Variants in CCNJ observed in about 807,000 individuals in gnomAD.
The protein encoded by CCNJ is cyclin-J.
In CCNJ, 12 loss-of-function variants were observed where a neutral mutation model predicts 41.4. The ratio of observed to expected loss-of-function variants is 0.29; its 90% CI spans 0.19 to 0.47. The LOEUF (loss-of-function observed/expected upper bound fraction) is 0.47. CCNJ is among the 20% of genes least tolerant of loss of function. The probability of loss-of-function intolerance (pLI) is 1.00; values close to 1 mark genes in which losing one functional copy is unlikely to be tolerated. For missense variants in CCNJ, 340 were observed against 464.6 expected (o/e 0.73, Z 2.47); for synonymous variants, 161 against 173.4 (o/e 0.93, Z 0.56).
At position 96,059,705 on chromosome 10, in the gene CCNJ, C is replaced by T. The variant is rs117301955; in HGVS notation, c.*1464C>T. ...AGAAGGGAAAACTGCATGGCAGATA[C>T]GTGACTGCCACAATATGCATCGAAG... is the stretch of plus-strand genomic sequence containing the variant. On this transcript the variant is annotated 3_prime_UTR_variant, in exon 6 of 6. Transcript: ENST00000465148. 2,278 of 152,512 alleles carry T rather than the reference C, an allele frequency of 0.015. 19 individuals carry two copies. The highest frequency in any genetic ancestry group is 0.022 in the Non-Finnish European group (1,529 of 67,994). 9.4% of individuals were successfully genotyped at this position (152,512 alleles called of 1,614,324 possible). A position where few individuals can be genotyped will look rare whatever the true frequency, so the allele number is the denominator to read the frequency against.
intron 3 of CCNJ, among the ~76,000 whole-genome samples, chr10:96,054,303 TTAAAA>T (rs1339486309): frequency 1.3e-5 from 2 of 152,204 alleles, no homozygotes; most frequent in African/African-American, 4.8e-5. Context: ...ATAAGTAAAC[TTAAAA>T]TGAACATAGG....
intron 2 of CCNJ, among the ~76,000 whole-genome samples, chr10:96,047,898 G>A (rs2080408895): frequency 1.3e-5 from 2 of 152,072 alleles, no homozygotes; most frequent in African/African-American, 4.8e-5. Flanking sequence ...ATTAATCCCA[G>A]CATCCACTAG....
chr10:96,044,383 C>A lies in CCNJ; in HGVS notation c.-11C>A. The A allele has an allele frequency of 2.0e-6, 3 of 1,516,676 alleles. No individual in the cohort carries two copies. Among genetic ancestry groups the A allele is most frequent in the Non-Finnish European group, 1.8e-6 (2 of 1,125,100 alleles). 94.0% of individuals were successfully genotyped at this position (1,516,676 alleles called of 1,614,324 possible). A position where few individuals can be genotyped will look rare whatever the true frequency, so the allele number is the denominator to read the frequency against. On this transcript the variant is annotated 5_prime_UTR_variant, in exon 2 of 6. Transcript: ENST00000465148. ...AGTTGCCGCGTCGGGCTGGGCGCGCCGCCGGGTCCCATGGAGCTGGAGGGG... is the reference window on the plus strand; with the variant it reads ...AGTTGCCGCGTCGGGCTGGGCGCGCAGCCGGGTCCCATGGAGCTGGAGGGG...
chr10:96,049,636 G>A (rs1356893821), intron 2 of CCNJ, among the ~76,000 whole-genome samples: 1 of 151,144 alleles, frequency 6.6e-6, no homozygotes, highest in Non-Finnish European at 1.5e-5. Context: ...TCTATGCTCT[G>A]GAAATATTTT....
At chr10:96,057,577 A>G (rs1310528385) in intron 5 of CCNJ, among the ~76,000 whole-genome samples, 1 of 152,222 alleles carries the variant, frequency 6.6e-6, no homozygotes, top group African/African-American at 2.4e-5. Context: ...TGGCAGCCAC[A>G]CTTACGTGCT....
intron 3 of CCNJ, among the ~76,000 whole-genome samples, chr10:96,052,884 AGTT>A (rs1199429754): frequency 6.6e-6 from 1 of 152,140 alleles, no homozygotes; most frequent in East Asian, 1.9e-4. Flanking sequence ...CCAAGTAGCA[AGTT>A]GTTCAAAAGA....
At chr10:96,056,391 G>A (rs989588734) in intron 3 of CCNJ, among the ~76,000 whole-genome samples, 1 of 151,636 alleles carries the variant, frequency 6.6e-6, no homozygotes, top group African/African-American at 2.4e-5. Context: ...AAAATTTCCT[G>A]AAAATATTCA....
chr10:96,043,650 C>G lies in CCNJ; in HGVS notation c.-111C>G, dbSNP rs1325566965. Reference sequence around the variant, plus strand: ...AGGCCGGCGCTTAGCGGCCCACTGTCCGCAGCATGAGCGGGGCCGGCGTCC... The same window carrying G: ...AGGCCGGCGCTTAGCGGCCCACTGTGCGCAGCATGAGCGGGGCCGGCGTCC... On this transcript the variant is annotated 5_prime_UTR_variant, in exon 1 of 6. Coordinates refer to ENST00000465148, the MANE Select transcript of CCNJ (RefSeq NM_001134375.2). The G allele has an allele frequency of 5.1e-6, 2 of 394,682 alleles. No homozygotes were observed. The highest frequency in any genetic ancestry group is 8.9e-6 in the Non-Finnish European group (2 of 223,516). 24.4% of individuals were successfully genotyped at this position (394,682 alleles called of 1,614,324 possible). A position where few individuals can be genotyped will look rare whatever the true frequency, so the allele number is the denominator to read the frequency against.
In CCNJ at chr10:96,060,488, G is replaced by C. The variant is rs1203772210; in HGVS notation, c.*2247G>C. 3 of 152,550 alleles carry C rather than the reference G, an allele frequency of 2.0e-5. No individual in the cohort carries two copies. Among genetic ancestry groups the C allele is most frequent in the Non-Finnish European group, 4.4e-5 (3 of 68,032 alleles). 9.4% of individuals were successfully genotyped at this position (152,550 alleles called of 1,614,324 possible). On this transcript the variant is annotated 3_prime_UTR_variant, in exon 6 of 6. Transcript: ENST00000465148. ...ATTGCTGCATACCCGGGGTGGGATG[G>C]GGTGGTTGGAGAACCAGAACTATTT...
At chr10:96,057,376 T>C (rs2080722323) in intron 5 of CCNJ, 129 bp downstream of exon 5, 1 of 748,116 alleles carries the variant, frequency 1.3e-6, no homozygotes, top group South Asian at 1.7e-5. Context: ...AGTTACTTGC[T>C]GCCATGAGCA....
intron 3 of CCNJ, among the ~76,000 whole-genome samples, chr10:96,053,359 G>C (rs946057764): frequency 6.6e-6 from 1 of 152,144 alleles, no homozygotes; most frequent in African/African-American, 2.4e-5. Context: ...GGGATCAAGT[G>C]GGGGTAATAT....
chr10:96,056,574 T>G, intron 3 of CCNJ, 127 bp from the exon 4 acceptor site: 1 of 683,308 alleles, frequency 1.5e-6, no homozygotes, highest in Admixed American at 2.9e-5. Context: ...ATTGTATCTG[T>G]GTAAGGTAAG....
At chr10:96,049,485 T>TC (rs1439632953) in intron 2 of CCNJ, among the ~76,000 whole-genome samples, 9 of 145,010 alleles carry the variant, frequency 6.2e-5, no homozygotes, top group Non-Finnish European at 1.2e-4. Flanking sequence ...CTTTTTCTTT[T>TC]TTTTTTTTTT....
At chr10:96,050,704 A>G (rs975042990) in intron 3 of CCNJ, among the ~76,000 whole-genome samples, 2 of 152,220 alleles carry the variant, frequency 1.3e-5, no homozygotes, top group African/African-American at 2.4e-5. Context: ...CTCCAGATCT[A>G]CTAAGACAAA....
chr10:96,058,479 T>A lies in CCNJ; in HGVS notation c.*238T>A, dbSNP rs1443415716. 2 of 510,206 alleles carry A rather than the reference T, an allele frequency of 3.9e-6. No homozygotes were observed. The highest frequency in any genetic ancestry group is 6.9e-6 in the Non-Finnish European group (2 of 288,944). The allele number at this position is 510,206 out of a possible 1,614,324, so 31.6% of individuals were successfully genotyped here. A position where few individuals can be genotyped will look rare whatever the true frequency, so the allele number is the denominator to read the frequency against. Reference sequence around the variant, plus strand: ...TCCCTGTATGACAAAAATGTTCAAGTCCTGGCTGATGGTCCAAATATTTCA... The same window carrying A: ...TCCCTGTATGACAAAAATGTTCAAGACCTGGCTGATGGTCCAAATATTTCA... On this transcript the variant is annotated 3_prime_UTR_variant, in exon 6 of 6. Transcript: ENST00000465148.
chr10:96,044,006 C>T (rs2080287808), intron 1 of CCNJ, among the ~76,000 whole-genome samples: 1 of 152,164 alleles, frequency 6.6e-6, no homozygotes, highest in Admixed American at 6.5e-5. Context: ...TCAGGGAGGG[C>T]GGGAGAACTC....
At chr10:96,045,926 C>T (rs1022293493) in intron 2 of CCNJ, among the ~76,000 whole-genome samples, 6 of 152,154 alleles carry the variant, frequency 3.9e-5, no homozygotes, top group Middle Eastern at 3.4e-3. Flanking sequence ...TGAGCCACTG[C>T]GCCCAGCCAA....
chr10:96,054,077 T>A (rs1808391188), intron 3 of CCNJ, among the ~76,000 whole-genome samples: 1 of 152,216 alleles, frequency 6.6e-6, no homozygotes, highest in South Asian at 2.1e-4. Flanking sequence ...GAAAATGTGT[T>A]GGTTTCCATG....
rs536727289 is a variant in CCNJ at position 96,056,135 on chromosome 10, C to G, written c.281-566C>G. On this transcript the variant is annotated intron_variant, in intron 3 of 5. Transcript: ENST00000465148. ...CCATCCTGGCTAACATGGTGAAACC[C>G]CGTCTCTACTAAAAATACAAAAAAT... Among the ~76,000 whole-genome samples, 123 of 152,206 alleles carry G rather than the reference C, an allele frequency of 8.1e-4. 2 individuals carry two copies. The highest frequency in any genetic ancestry group is 3.7e-4 in the Non-Finnish European group (25 of 68,014).
Sources: allele counts gnomAD v4.1 joint callset (sites outside exome capture counted in the v4.1 genomes callset), GRCh38; gene constraint gnomAD v4.1.1; transcripts MANE v1.5; gene names NCBI Gene and HGNC (gene_info 2026-07-23, HGNC 2026-07-21).